Variants in OSBPL8 observed in about 807,000 individuals in gnomAD.
OSBPL8 encodes the protein oxysterol-binding protein-related protein 8.
In OSBPL8, 59 loss-of-function variants were observed where a neutral mutation model predicts 125.5. That is an observed-to-expected ratio of 0.47 (90% CI 0.38 to 0.58). The LOEUF is 0.58. OSBPL8 is among the 20% of genes least tolerant of loss of function. The probability of loss-of-function intolerance (pLI) is 0.00; values close to 1 mark genes in which losing one functional copy is unlikely to be tolerated. For synonymous variants in OSBPL8, 330 were observed against 338.9 expected (o/e 0.97, Z 0.29); for missense variants, 758 against 1,047.8 (o/e 0.72, Z 3.82).
At position 76,559,720 on chromosome 12, in the gene OSBPL8, C is replaced by A. The variant is rs929141439; in HGVS notation, c.-391G>T. 6.6e-6 allele frequency: 1 copy of A among 152,284 alleles called. No individual in the cohort carries two copies. Among genetic ancestry groups the A allele is most frequent in the Non-Finnish European group, 1.5e-5 (1 of 68,106 alleles). 9.4% of individuals were successfully genotyped at this position (152,284 alleles called of 1,614,324 possible). A position where few individuals can be genotyped will look rare whatever the true frequency, so the allele number is the denominator to read the frequency against. ...AGCTAACACTACAGCCGCCGCCTGG[C>A]CAGGAGCGCGTCGCGGCCTAATGTT... On this transcript the variant is annotated 5_prime_UTR_variant, in exon 1 of 24. Coordinates refer to ENST00000261183, the MANE Select transcript of OSBPL8 (RefSeq NM_020841.5).
intron 1 of OSBPL8, among the ~76,000 whole-genome samples, chr12:76,530,595 T>A (rs1950308815): frequency 6.6e-6 from 1 of 152,106 alleles, no homozygotes; most frequent in Admixed American, 6.6e-5. Flanking sequence ...TTTGTTTATA[T>A]CCCCACATGT....
At chr12:76,540,007 T>C (rs1758694726) in intron 1 of OSBPL8, among the ~76,000 whole-genome samples, 1 of 152,240 alleles carries the variant, frequency 6.6e-6, no homozygotes, top group Admixed American at 6.5e-5. Context: ...CTGCTGAGTA[T>C]ACCAGTAAAT....
intron 2 of OSBPL8, among the ~76,000 whole-genome samples, chr12:76,464,768 C>G (rs77014965): frequency 6.6e-6 from 1 of 152,202 alleles, no homozygotes; most frequent in African/African-American, 2.4e-5. Flanking sequence ...TTTAAGTCAT[C>G]TGACTCATGA....
At chr12:76,534,224 A>C (rs997046716) in intron 1 of OSBPL8, 2 of 152,240 alleles carry the variant, frequency 1.3e-5, no homozygotes, top group South Asian at 4.1e-4. Flanking sequence ...GGCAACTGCC[A>C]TTACAGTACC....
At chr12:76,551,347 A>G (rs957583918) in intron 1 of OSBPL8, among the ~76,000 whole-genome samples, 1 of 152,142 alleles carries the variant, frequency 6.6e-6, no homozygotes, top group Admixed American at 6.5e-5. Flanking sequence ...ACATCTGGCA[A>G]TATCTTGAAA....
At position 76,352,190 on chromosome 12, in the gene OSBPL8, TTTTC is replaced by T. The variant is rs1287415567; in HGVS notation, c.*3695_*3698del. On this transcript the variant is annotated 3_prime_UTR_variant, in exon 24 of 24. Transcript: ENST00000261183. ...CAGTTCAAATGTTTCATGGCATTTT[TTTTC>T]TTTAAGTGAAAAATTTTGATACTGT... 10 of 152,600 alleles carry T rather than the reference TTTTC, an allele frequency of 6.6e-5. No homozygotes were observed. The South Asian group carries it at 8.3e-4, about 13-fold the overall frequency. 9.5% of individuals were successfully genotyped at this position (152,600 alleles called of 1,614,324 possible). A position where few individuals can be genotyped will look rare whatever the true frequency, so the allele number is the denominator to read the frequency against.
At chr12:76,424,818 C>T (rs1435852844) in intron 4 of OSBPL8, among the ~76,000 whole-genome samples, 1 of 151,766 alleles carries the variant, frequency 6.6e-6, no homozygotes, top group Non-Finnish European at 1.5e-5. Context: ...CAAGTAAAAT[C>T]AAGAAAAGGG....
intron 1 of OSBPL8, among the ~76,000 whole-genome samples, chr12:76,510,659 C>G (rs568937248): frequency 1.3e-5 from 2 of 152,260 alleles, no homozygotes; most frequent in African/African-American, 4.8e-5. Context: ...GCAGGCAGAT[C>G]ACCTGAGGTT....
chr12:76,546,130 T>G (rs1950776815), intron 1 of OSBPL8, among the ~76,000 whole-genome samples: 1 of 152,206 alleles, frequency 6.6e-6, no homozygotes, highest in Non-Finnish European at 1.5e-5. Flanking sequence ...TTGGGGGTCC[T>G]GGAACCAATT....
chr12:76,506,630 A>G (rs1880444090), intron 1 of OSBPL8, among the ~76,000 whole-genome samples: 1 of 152,252 alleles, frequency 6.6e-6, no homozygotes, highest in African/African-American at 2.4e-5. Context: ...AATAAAAATT[A>G]TAAAATCACT....
chr12:76,374,226 G>A (rs1310892898), intron 17 of OSBPL8, among the ~76,000 whole-genome samples: 1 of 151,998 alleles, frequency 6.6e-6, no homozygotes, highest in Non-Finnish European at 1.5e-5. Context: ...TATTGTTCAA[G>A]AACAATTAAT....
Position 76,550,084 on chromosome 12 carries a change from A to G in OSBPL8, c.-68+9313T>C, listed in dbSNP as rs569160226. 4.3e-5 allele frequency among the ~76,000 whole-genome samples: 6 copies of G among 140,220 alleles called. No homozygotes were observed. In the South Asian group the frequency reaches 1.3e-3, roughly 31 times the overall value. The allele number at this position is 140,220 out of a possible 152,430, so 92.0% of individuals were successfully genotyped here. On this transcript the variant is annotated intron_variant, in intron 1 of 23. Coordinates refer to ENST00000261183, the MANE Select transcript of OSBPL8 (RefSeq NM_020841.5). ...TGCAGCACAAAAGGCAGTATGCTGA[A>G]GAGTTGGGGTGTGGGGGGGCTGGGG...
At chr12:76,400,990 T>C (rs1954030095) in intron 6 of OSBPL8, among the ~76,000 whole-genome samples, 1 of 152,014 alleles carries the variant, frequency 6.6e-6, no homozygotes, top group Non-Finnish European at 1.5e-5. Flanking sequence ...GGTTTCACTA[T>C]GTTGGCCAGA....
At chr12:76,502,670 T>C (rs1266908134) in intron 1 of OSBPL8, among the ~76,000 whole-genome samples, 2 of 152,176 alleles carry the variant, frequency 1.3e-5, no homozygotes, top group African/African-American at 4.8e-5. Flanking sequence ...CAATCCAATC[T>C]AGACAGGACT....
chr12:76,499,350 C>CTATCATCTATCT lies in OSBPL8; in HGVS notation c.-67-11733_-67-11732insAGATAGATGATA, dbSNP rs71082312. On this transcript the variant is annotated intron_variant, in intron 1 of 23. Transcript: ENST00000261183. ...TCTATCTATCTATCTATCTATCTATCATCTATCTATCTATCTAATCTATCT... is the reference window on the plus strand; with the variant it reads ...TCTATCTATCTATCTATCTATCTATCTATCATCTATCTATCTATCTATCTATCTAATCTATCT... 7.9e-3 allele frequency among the ~76,000 whole-genome samples: 849 copies of CTATCATCTATCT among 107,522 alleles called. 5 individuals are homozygous for CTATCATCTATCT. Among genetic ancestry groups the CTATCATCTATCT allele is most frequent in the Non-Finnish European group, 0.012 (660 of 52,846 alleles). The allele number at this position is 107,522 out of a possible 152,430, so 70.5% of individuals were successfully genotyped here.
chr12:76,549,496 C>T (rs947866789), intron 1 of OSBPL8, among the ~76,000 whole-genome samples: 2 of 152,090 alleles, frequency 1.3e-5, no homozygotes, highest in African/African-American at 4.8e-5. Flanking sequence ...CTGCAACGTC[C>T]ACCTCCCAGG....
chr12:76,426,202 T>C lies in OSBPL8; in HGVS notation c.218-15568A>G, dbSNP rs1028743542. Among the ~76,000 whole-genome samples, 3 of 152,350 alleles carry C rather than the reference T, an allele frequency of 2.0e-5. No homozygotes were observed. The East Asian group carries it at 5.8e-4, about 29-fold the overall frequency. ...CTTCAGACAATCACAGGCAACAAAC[T>C]AATCAGATCATGTTCAAATAAGGCA... is the stretch of plus-strand genomic sequence containing the variant. On this transcript the variant is annotated intron_variant, in intron 4 of 23. Transcript: ENST00000261183.
chr12:76,507,501 A>G (rs1880529013), intron 1 of OSBPL8, among the ~76,000 whole-genome samples: 1 of 151,604 alleles, frequency 6.6e-6, no homozygotes, highest in African/African-American at 2.4e-5. Flanking sequence ...TATTACACTC[A>G]TATGTAACAA....
intron 1 of OSBPL8, among the ~76,000 whole-genome samples, chr12:76,530,376 C>A (rs2137332259): frequency 6.6e-6 from 1 of 152,000 alleles, no homozygotes; most frequent in South Asian, 2.1e-4. Flanking sequence ...GTTTTTGTAT[C>A]TGCTGTTCTT....
Sources: allele counts gnomAD v4.1 joint callset (sites outside exome capture counted in the v4.1 genomes callset), GRCh38; gene constraint gnomAD v4.1.1; transcripts MANE v1.5; gene names NCBI Gene and HGNC (gene_info 2026-07-23, HGNC 2026-07-21).